SIN3B: variants seen among roughly 807,000 people sequenced by gnomAD.
The protein encoded by SIN3B is SIN3 transcription regulator family member B.
A neutral mutation model predicts 120.2 loss-of-function variants in SIN3B; 19 were observed. The ratio of observed to expected loss-of-function variants is 0.16; its 90% CI spans 0.11 to 0.23. The LOEUF (loss-of-function observed/expected upper bound fraction) is 0.23, where lower values mean the gene tolerates loss of function less well. SIN3B is among the 10% of genes least tolerant of loss of function. SIN3B has a pLI of 1.00. For synonymous variants in SIN3B, 654 were observed against 653.2 expected, an observed-to-expected ratio of 1.00 and a Z score of -0.02; for missense variants, 1,073 against 1,573.0, an observed-to-expected ratio of 0.68 and a Z score of 5.38.
chr19:16,858,988 T>C (rs1007349274), intron 8 of SIN3B, among the ~76,000 whole-genome samples: 5 of 151,814 alleles, frequency 3.3e-5, no homozygotes, highest in Non-Finnish European at 7.4e-5. Flanking sequence ...CTGGGCAACA[T>C]AGTGAGACCT....
At chr19:16,863,856 C>A in intron 10 of SIN3B, 60 bp downstream of exon 10, 3 of 1,194,146 alleles carry the variant, frequency 2.5e-6, no homozygotes, top group Non-Finnish European at 2.5e-6. Flanking sequence ...CTCCATGGGA[C>A]ATGCATCCTG....
intron 8 of SIN3B, among the ~76,000 whole-genome samples, chr19:16,858,733 T>C (rs947353180): frequency 2.8e-4 from 43 of 152,178 alleles, no homozygotes; most frequent in African/African-American, 1.0e-3. Flanking sequence ...GTGGATCACC[T>C]GAGGTCAGGA....
intron 11 of SIN3B, among the ~76,000 whole-genome samples, chr19:16,866,163 G>A (rs1267727219): frequency 6.6e-6 from 1 of 152,128 alleles, no homozygotes; most frequent in African/African-American, 2.4e-5. Flanking sequence ...GGAGGTGGAG[G>A]AACCGGGAAG....
intron 8 of SIN3B, among the ~76,000 whole-genome samples, chr19:16,856,046 G>GT (rs1419996673): frequency 3.3e-5 from 5 of 152,178 alleles, no homozygotes; most frequent in African/African-American, 1.2e-4. Flanking sequence ...GACAGAGTGA[G>GT]ACCCTGTATC....
At position 16,876,774 on chromosome 19, in the gene SIN3B, C is replaced by G. The variant is rs939337035; in HGVS notation, c.2859+196C>G. 1.3e-5 allele frequency among the ~76,000 whole-genome samples: 2 copies of G among 152,160 alleles called. No homozygotes were observed. Among genetic ancestry groups the G allele is most frequent in the African/African-American group, 4.8e-5 (2 of 41,444 alleles). On this transcript the variant is annotated intron_variant, in intron 16 of 18. Transcript: ENST00000248054. This position sits in a 1 kb window ranked among gnomAD's most constrained non-coding sequence, Gnocchi z 7.1. ...CCCACCAGGCTCTCTTCTGTGCCCCCTCTCCAAAGAGCAGACCACTCCTCC... is the reference window on the plus strand; with the variant it reads ...CCCACCAGGCTCTCTTCTGTGCCCCGTCTCCAAAGAGCAGACCACTCCTCC...
chr19:16,875,071 G>GGTTTGGTCTGGTCTGGTTTA (rs1223136548), intron 14 of SIN3B, among the ~76,000 whole-genome samples: 24 of 150,776 alleles, frequency 1.6e-4, no homozygotes, highest in Non-Finnish European at 2.8e-4. Context: ...GTTTGGTTTT[G>GGTTTGGTCTGGTCTGGTTTA]GTTTGGTCTG....
At chr19:16,871,119 G>T in intron 13 of SIN3B, 110 bp from the exon 14 acceptor site, 1 of 1,358,652 alleles carries the variant, frequency 7.4e-7, no homozygotes. Context: ...GCAGGTGAGG[G>T]CTGTTGGGCC....
In SIN3B at chr19:16,862,738, T is replaced by C; in HGVS notation, c.1266+179T>C. 2 of 961,742 alleles carry C rather than the reference T, an allele frequency of 2.1e-6. No homozygotes were observed. The highest frequency in any genetic ancestry group is 3.3e-6 in the Non-Finnish European group (2 of 607,694). 59.6% of individuals were successfully genotyped at this position (961,742 alleles called of 1,614,324 possible). A position where few individuals can be genotyped will look rare whatever the true frequency, so the allele number is the denominator to read the frequency against. Reference sequence around the variant, plus strand: ...ACCACCTGAGCAGAGACAACAGTGTTGTACCCTGCTGGTAGTTTTGGCAAA... The same window carrying C: ...ACCACCTGAGCAGAGACAACAGTGTCGTACCCTGCTGGTAGTTTTGGCAAA... On this transcript the variant is annotated intron_variant, in intron 9 of 18. Transcript: ENST00000248054. This position sits in a 1 kb window ranked among gnomAD's most constrained non-coding sequence, Gnocchi z 4.7.
intron 13 of SIN3B, 94 bp from the exon 14 acceptor site, chr19:16,871,135 G>A: frequency 6.6e-7 from 1 of 1,508,030 alleles, no homozygotes; most frequent in Non-Finnish European, 9.2e-7. Context: ...GGGCCCCATG[G>A]GGGCATTTGT....
intron 12 of SIN3B, among the ~76,000 whole-genome samples, chr19:16,869,019 C>T (rs112387364): frequency 9.2e-5 from 14 of 152,092 alleles, no homozygotes; most frequent in Non-Finnish European, 1.8e-4. Context: ...TGGGCAGCCC[C>T]GGTCGAGCTG....
At chr19:16,861,591 C>T (rs777737537) in intron 8 of SIN3B, among the ~76,000 whole-genome samples, 1 of 152,054 alleles carries the variant, frequency 6.6e-6, no homozygotes, top group Non-Finnish European at 1.5e-5. Flanking sequence ...GGGGAAACCC[C>T]GTCTCTACTA....
intron 14 of SIN3B, among the ~76,000 whole-genome samples, chr19:16,875,454 G>T (rs1312000572): frequency 5.2e-5 from 7 of 134,182 alleles, no homozygotes; most frequent in Non-Finnish European, 1.1e-4. Flanking sequence ...GGTCTGGTTT[G>T]GGTCTGGTCT....
chr19:16,877,740 G>A, intron 17 of SIN3B, 101 bp downstream of exon 17: 3 of 833,636 alleles, frequency 3.6e-6, no homozygotes, highest in East Asian at 2.6e-5. Context: ...CTGTCTGGGA[G>A]CACTTAGTAG....
At chr19:16,849,956 CAAAA>C (rs145144544) in intron 5 of SIN3B, among the ~76,000 whole-genome samples, 1 of 59,242 alleles carries the variant, frequency 1.7e-5, no homozygotes, top group African/African-American at 6.2e-5. Flanking sequence ...ACCTCCGTCT[CAAAA>C]AAAAAAAAAA....
chr19:16,839,506 C>T (rs996529499), intron 3 of SIN3B, among the ~76,000 whole-genome samples: 2 of 152,138 alleles, frequency 1.3e-5, no homozygotes, highest in South Asian at 2.1e-4. Context: ...AGGGTGCATG[C>T]GGAGCTTGGA....
In SIN3B at chr19:16,866,227, G is replaced by A. The variant is rs1002306529; in HGVS notation, c.1623-146G>A. The A allele has an allele frequency of 2.7e-5, 19 of 714,202 alleles. No individual in the cohort carries two copies. The Middle Eastern group carries it at 1.2e-3, about 45-fold the overall frequency. 44.2% of individuals were successfully genotyped at this position (714,202 alleles called of 1,614,324 possible). A position where few individuals can be genotyped will look rare whatever the true frequency, so the allele number is the denominator to read the frequency against. Reference sequence around the variant, plus strand: ...ACGCCCTCCCTCTGACGTGCACAGAGCCCACTGCACAGACTAGGCTGGGAG... The same window carrying A: ...ACGCCCTCCCTCTGACGTGCACAGAACCCACTGCACAGACTAGGCTGGGAG... On this transcript the variant is annotated intron_variant, in intron 11 of 18. Coordinates refer to ENST00000248054, the MANE Select transcript of SIN3B (RefSeq NM_001297595.2).
At chr19:16,870,780 T>G (rs895249683) in intron 13 of SIN3B, among the ~76,000 whole-genome samples, 1 of 152,068 alleles carries the variant, frequency 6.6e-6, no homozygotes, top group African/African-American at 2.4e-5. Flanking sequence ...GTCTTAAAAC[T>G]CCTGACCTTG....
Position 16,841,440 on chromosome 19 carries a change from C to T in SIN3B, c.382-328C>T, listed in dbSNP as rs78764322. Among the ~76,000 whole-genome samples the T allele has an allele frequency of 4.1e-3, 626 of 152,260 alleles. 3 individuals are homozygous for T. Among genetic ancestry groups the T allele is most frequent in the African/African-American group, 0.014 (563 of 41,546 alleles). On this transcript the variant is annotated intron_variant, in intron 3 of 18. Coordinates refer to ENST00000248054, the MANE Select transcript of SIN3B (RefSeq NM_001297595.2). ...TGGGAGACTTCTCTATTATATGCAG[C>T]CCAGCACTTGGCACCACAGAGGCTT...
intron 5 of SIN3B, among the ~76,000 whole-genome samples, chr19:16,848,347 G>A (rs955804666): frequency 6.7e-5 from 10 of 150,338 alleles, no homozygotes; most frequent in African/African-American, 2.2e-4. Context: ...TACAGTGACC[G>A]CACCATTTTA....
Sources: gnomAD v4.1 joint callset for allele counts (sites outside exome capture counted in the v4.1 genomes callset) on GRCh38, gnomAD v4.1.1 for gene constraint, Gnocchi (gnomAD v3.1) non-coding constraint, MANE v1.5 for transcripts, NCBI Gene and HGNC (gene_info 2026-07-23, HGNC 2026-07-21) for gene names.